Variants in DBR1 observed in about 807,000 individuals in gnomAD.
DBR1 encodes debranching RNA lariats 1.
Under a neutral mutation model 45.9 loss-of-function variants are expected in DBR1, and 33 were observed. The ratio of observed to expected loss-of-function variants is 0.72; its 90% CI spans 0.55 to 0.96. DBR1 has a LOEUF of 0.96. DBR1 is among the 40% of genes least tolerant of loss of function. The probability of loss-of-function intolerance (pLI) is 0.00; values close to 1 mark genes in which losing one functional copy is unlikely to be tolerated. For missense variants in DBR1, 619 were observed against 667.4 expected, an observed-to-expected ratio of 0.93 and a Z score of 0.80; for synonymous variants, 235 against 235.9, an observed-to-expected ratio of 1.00 and a Z score of 0.04.
chr3:138,173,121 A>C (rs1449302068), intron 2 of DBR1, among the ~76,000 whole-genome samples: 2 of 150,956 alleles, frequency 1.3e-5, no homozygotes, highest in Non-Finnish European at 2.9e-5. Flanking sequence ...AGATTGCAAT[A>C]TAATAGTCGT....
intron 4 of DBR1, among the ~76,000 whole-genome samples, chr3:138,167,953 G>GA (rs954235630): frequency 2.7e-5 from 4 of 148,908 alleles, no homozygotes; most frequent in East Asian, 3.9e-4. Flanking sequence ...ATCTCAAAAA[G>GA]AAAAAAAAGA....
chr3:138,163,935 A>G, intron 5 of DBR1, 77 bp from the exon 6 acceptor site: 1 of 1,063,664 alleles, frequency 9.4e-7, no homozygotes, highest in Non-Finnish European at 1.4e-6. Context: ...GAATAGGATG[A>G]AAATAATCTT....
chr3:138,163,616 A>G (rs367767944), intron 6 of DBR1, 122 bp from the exon 7 acceptor site: 1 of 724,272 alleles, frequency 1.4e-6, no homozygotes. Context: ...TTTAATTTTA[A>G]ATCAATCCAT....
chr3:138,162,729 G>T, intron 7 of DBR1, 147 bp from the exon 8 acceptor site: 1 of 719,020 alleles, frequency 1.4e-6, no homozygotes, highest in South Asian at 2.1e-5. Context: ...ATTTAGCAAA[G>T]GACCATTTAG....
intron 5 of DBR1, among the ~76,000 whole-genome samples, chr3:138,166,855 A>G (rs1051450367): frequency 2.0e-5 from 3 of 152,014 alleles, no homozygotes; most frequent in Admixed American, 6.6e-5. Flanking sequence ...TTCATCTCCC[A>G]TGTTCCCATC....
At position 138,161,787 on chromosome 3, in the gene DBR1, G is replaced by A. The variant is rs1252756679; in HGVS notation, c.*102C>T. On this transcript the variant is annotated 3_prime_UTR_variant, in exon 8 of 8. Coordinates refer to ENST00000260803, the MANE Select transcript of DBR1 (RefSeq NM_016216.4). ...CTTGAACCTGGGAGGCGGAGGTTGC[G>A]GTGAGCCGAGATCACGCCATTGCAC... 8.7e-5 allele frequency: 80 copies of A among 918,090 alleles called. No individual in the cohort carries two copies. Among genetic ancestry groups the A allele is most frequent in the Non-Finnish European group, 1.3e-4 (74 of 584,266 alleles). 56.9% of individuals were successfully genotyped at this position (918,090 alleles called of 1,614,324 possible).
At chr3:138,166,985 T>A in intron 5 of DBR1, 96 bp downstream of exon 5, 1 of 1,102,552 alleles carries the variant, frequency 9.1e-7, no homozygotes, top group Non-Finnish European at 1.3e-6. Context: ...AGAGGTAAGT[T>A]ATCTTTTACT....
chr3:138,162,056 C>G lies in DBR1; in HGVS notation c.1468G>C (p.Glu490Gln). 6.2e-7 allele frequency: 1 copy of G among 1,614,142 alleles called. No individual in the cohort carries two copies. Among genetic ancestry groups the G allele is most frequent in the South Asian group, 1.1e-5 (1 of 91,076 alleles). The change falls in exon 8 of 8, where the codon GAG becomes CAG. Residue 490 changes from glutamate (E) to glutamine (Q), a missense_variant. This residue lies in a region of DBR1 where 182 missense variants were observed against 196.1 expected (regional missense o/e 0.93). Coordinates refer to ENST00000260803, the MANE Select transcript of DBR1 (RefSeq NM_016216.4). ...TCCACAGTCCCACCAGGTTTCCCCT[C>G]TCTATCAATTGTGGAATCCACCGTA... ...DDTVDSTIDREGKPGGTVESG... is the reference protein window; with the variant it reads ...DDTVDSTIDRQGKPGGTVESG...
chr3:138,172,817 T>C (rs933476892), intron 2 of DBR1, among the ~76,000 whole-genome samples: 1 of 152,202 alleles, frequency 6.6e-6, no homozygotes, highest in Admixed American at 6.5e-5. Context: ...TTTAGTCTAA[T>C]AGACTTCAGA....
intron 2 of DBR1, 99 bp from the exon 3 acceptor site, chr3:138,171,812 AATT>A (rs1277224335): frequency 1.0e-5 from 9 of 876,014 alleles, no homozygotes; most frequent in African/African-American, 3.4e-5. Context: ...ACAGTTCTAA[AATT>A]ATTTGAAAAT....
At chr3:138,174,567 A>AGTC in intron 1 of DBR1, 32 bp downstream of exon 1, 1 of 897,868 alleles carries the variant, frequency 1.1e-6, no homozygotes, top group Non-Finnish European at 1.7e-6. Context: ...CCACCCCCCC[A>AGTC]CCGCCAAGTC....
intron 5 of DBR1, among the ~76,000 whole-genome samples, chr3:138,166,324 A>G (rs1336821138): frequency 6.6e-6 from 1 of 152,188 alleles, no homozygotes; most frequent in Non-Finnish European, 1.5e-5. Flanking sequence ...CATCAAGTAC[A>G]TCATCCATGC....
rs2042904718 is a variant in DBR1 at position 138,161,109 on chromosome 3, T to C, written c.*780A>G. 6.6e-6 allele frequency: 1 copy of C among 152,112 alleles called. No homozygotes were observed. Among genetic ancestry groups the C allele is most frequent in the Non-Finnish European group, 1.5e-5 (1 of 68,014 alleles). 9.4% of individuals were successfully genotyped at this position (152,112 alleles called of 1,614,324 possible). On this transcript the variant is annotated 3_prime_UTR_variant, in exon 8 of 8. Transcript: ENST00000260803. ...ATTAAAAGCTGATCAGGAAAAATAT[T>C]TATAATAAATGAAAAGAAAGCATAC...
chr3:138,167,618 G>A (rs2042936496), intron 4 of DBR1, among the ~76,000 whole-genome samples: 2 of 152,182 alleles, frequency 1.3e-5, no homozygotes, highest in Non-Finnish European at 2.9e-5. Flanking sequence ...TAAAATACAC[G>A]ATAACCATAG....
intron 1 of DBR1, among the ~76,000 whole-genome samples, chr3:138,174,362 T>C (rs1458407096): frequency 6.6e-6 from 1 of 152,216 alleles, no homozygotes; most frequent in African/African-American, 2.4e-5. Flanking sequence ...TGACATTTCC[T>C]AAGCACCTAA....
At chr3:138,174,498 G>A (rs1433921703) in intron 1 of DBR1, 101 bp downstream of exon 1, 1 of 1,241,690 alleles carries the variant, frequency 8.1e-7, no homozygotes, top group South Asian at 1.5e-5. Flanking sequence ...TAGAGATACA[G>A]AGAGAACAAA....
In DBR1 at chr3:138,162,002, C is replaced by G. The variant is rs778655026; in HGVS notation, c.1522G>C (p.Val508Leu). ...ESGNGEDLTKVPLKRLSDEHE... is the reference protein window; with the variant it reads ...ESGNGEDLTKLPLKRLSDEHE... ...TCATCACTCAGCCTCTTCAATGGCACCTTGGTTAAGTCCTCTCCATTCCCT... is the reference window on the plus strand; with the variant it reads ...TCATCACTCAGCCTCTTCAATGGCAGCTTGGTTAAGTCCTCTCCATTCCCT... Residue 508 changes from valine to leucine, a missense_variant, in exon 8 of 8, where the codon GTG becomes CTG. Around this residue, in one of 3 missense-constraint regions of DBR1, gnomAD observed 182 missense variants for 196.1 expected, o/e 0.93. Coordinates refer to ENST00000260803, the MANE Select transcript of DBR1 (RefSeq NM_016216.4). The G allele has an allele frequency of 4.2e-5, 68 of 1,614,018 alleles. No homozygotes were observed. Among genetic ancestry groups the G allele is most frequent in the African/African-American group, 5.3e-5 (4 of 74,898 alleles).
At chr3:138,173,927 G>C (rs2042966680) in intron 1 of DBR1, among the ~76,000 whole-genome samples, 1 of 151,324 alleles carries the variant, frequency 6.6e-6, no homozygotes, top group Admixed American at 6.6e-5. Context: ...AGGCTGAGGT[G>C]GGAGAATCGC....
intron 4 of DBR1, among the ~76,000 whole-genome samples, chr3:138,168,376 C>T (rs1359603972): frequency 6.0e-5 from 9 of 150,904 alleles, no homozygotes; most frequent in Admixed American, 4.6e-4. Flanking sequence ...AAAAATTAGC[C>T]GGGCGTGGTG....
Sources: allele counts gnomAD v4.1 joint callset (sites outside exome capture counted in the v4.1 genomes callset), GRCh38; gene constraint gnomAD v4.1.1; regional missense constraint gnomAD v4.1.1; transcripts MANE v1.5; gene names NCBI Gene and HGNC (gene_info 2026-07-23, HGNC 2026-07-21).